PARVA: variants seen among roughly 807,000 people sequenced by gnomAD.
The protein encoded by PARVA is alpha-parvin.
A neutral mutation model predicts 52.6 loss-of-function variants in PARVA; 25 were observed. That is an observed-to-expected ratio of 0.48 (90% CI 0.35 to 0.66). The LOEUF is 0.66. PARVA is among the 30% of genes least tolerant of loss of function. The pLI, the probability that PARVA is intolerant of heterozygous loss-of-function variation, is 0.01. For missense variants in PARVA, 373 were observed against 450.9 expected, an observed-to-expected ratio of 0.83 and a Z score of 1.56; for synonymous variants, 185 against 179.1, an observed-to-expected ratio of 1.03 and a Z score of -0.26.
chr11:12,383,821 T>C (rs1368771735), intron 1 of PARVA, among the ~76,000 whole-genome samples: 2 of 152,224 alleles, frequency 1.3e-5, no homozygotes, highest in Non-Finnish European at 2.9e-5. Context: ...AAAAAGTTTC[T>C]AATACATTTA....
At chr11:12,380,986 C>T (rs771236239) in intron 1 of PARVA, among the ~76,000 whole-genome samples, 2 of 152,118 alleles carry the variant, frequency 1.3e-5, no homozygotes, top group African/African-American at 2.4e-5. Context: ...ACTGTAAAGT[C>T]CTGATTCCTT....
intron 10 of PARVA, among the ~76,000 whole-genome samples, chr11:12,514,554 C>A (rs999380673): frequency 6.6e-6 from 1 of 152,226 alleles, no homozygotes; most frequent in African/African-American, 2.4e-5. Flanking sequence ...GTGGCAAGAT[C>A]TCGGCTCACT....
intron 1 of PARVA, among the ~76,000 whole-genome samples, chr11:12,381,257 C>T (rs555633680): frequency 7.2e-5 from 11 of 152,294 alleles, no homozygotes; most frequent in East Asian, 3.9e-4. Flanking sequence ...ATAATAAGGC[C>T]GGATCTTGCT....
chr11:12,436,398 A>T (rs980784528), intron 1 of PARVA, among the ~76,000 whole-genome samples: 15 of 152,170 alleles, frequency 9.9e-5, no homozygotes, highest in Non-Finnish European at 1.5e-5. Flanking sequence ...ATTAGAGCCC[A>T]TTCAGTAACA....
intron 12 of PARVA, among the ~76,000 whole-genome samples, chr11:12,523,741 C>T (rs1342826440): frequency 1.3e-5 from 2 of 152,178 alleles, no homozygotes; most frequent in East Asian, 3.9e-4. Flanking sequence ...TGACCAGAAG[C>T]CCCATAGTCC....
intron 1 of PARVA, among the ~76,000 whole-genome samples, chr11:12,435,804 GT>G (rs1467496197): frequency 1.3e-5 from 2 of 151,968 alleles, no homozygotes; most frequent in Admixed American, 6.6e-5. Context: ...TGTTGTTGTT[GT>G]TTTGTTCTGT....
intron 1 of PARVA, among the ~76,000 whole-genome samples, chr11:12,424,938 T>G (rs1940206767): frequency 6.6e-6 from 1 of 152,222 alleles, no homozygotes; most frequent in Non-Finnish European, 1.5e-5. Flanking sequence ...AACATTTCCC[T>G]TTTCTGTGTG....
chr11:12,509,554 CCT>C (rs1210961868), intron 7 of PARVA, among the ~76,000 whole-genome samples: 1 of 152,184 alleles, frequency 6.6e-6, no homozygotes, highest in Non-Finnish European at 1.5e-5. Context: ...AGGTTCCTGC[CCT>C]CTGCCCAGCC....
chr11:12,501,258 T>C (rs1941359914), intron 5 of PARVA, among the ~76,000 whole-genome samples: 1 of 152,166 alleles, frequency 6.6e-6, no homozygotes, highest in Non-Finnish European at 1.5e-5. Flanking sequence ...CATATATCCA[T>C]AAATGTATAT....
intron 12 of PARVA, among the ~76,000 whole-genome samples, chr11:12,522,008 G>A (rs946092280): frequency 1.3e-5 from 2 of 152,184 alleles, no homozygotes; most frequent in African/African-American, 4.8e-5. Context: ...CTAGAATTCA[G>A]AGATAATACA....
At chr11:12,497,807 G>A (rs112394534) in intron 5 of PARVA, among the ~76,000 whole-genome samples, 3,151 of 152,224 alleles carry the variant, frequency 0.021, 47 homozygotes, top group Middle Eastern at 0.051. Flanking sequence ...GGAGGTTGAT[G>A]ACTAGTTTGG....
intron 1 of PARVA, among the ~76,000 whole-genome samples, chr11:12,406,668 T>G (rs916164506): frequency 2.1e-5 from 2 of 96,534 alleles, no homozygotes; most frequent in Non-Finnish European, 4.2e-5. Context: ...TCTGTTTTTT[T>G]TTTTTTTTTT....
intron 1 of PARVA, among the ~76,000 whole-genome samples, chr11:12,458,572 T>TACTA (rs1358133108): frequency 8.3e-6 from 1 of 121,178 alleles, no homozygotes; most frequent in South Asian, 2.9e-4. Flanking sequence ...CCTAAAAATA[T>TACTA]ACTAACTCCC....
chr11:12,441,147 C>A (rs1940460651), intron 1 of PARVA, among the ~76,000 whole-genome samples: 1 of 152,154 alleles, frequency 6.6e-6, no homozygotes, highest in South Asian at 2.1e-4. Context: ...GGCCCATAAT[C>A]CACAGAGGCC....
intron 1 of PARVA, among the ~76,000 whole-genome samples, chr11:12,395,478 C>G (rs1831114503): frequency 6.6e-6 from 1 of 152,160 alleles, no homozygotes; most frequent in South Asian, 2.1e-4. Context: ...GCCGGAGCCT[C>G]TAAAAGTTAG....
At chr11:12,461,148 G>T (rs1021958282) in intron 1 of PARVA, among the ~76,000 whole-genome samples, 2 of 152,148 alleles carry the variant, frequency 1.3e-5, no homozygotes, top group Non-Finnish European at 2.9e-5. Context: ...GCTCTGGAAG[G>T]CAGGTCCTTG....
At chr11:12,391,890 A>G (rs1939665022) in intron 1 of PARVA, among the ~76,000 whole-genome samples, 1 of 152,164 alleles carries the variant, frequency 6.6e-6, no homozygotes, top group Non-Finnish European at 1.5e-5. Context: ...CAATTCACCC[A>G]TTTAAATGGC....
intron 1 of PARVA, among the ~76,000 whole-genome samples, chr11:12,471,490 TG>T (rs1940933374): frequency 6.6e-6 from 1 of 152,128 alleles, no homozygotes; most frequent in Non-Finnish European, 1.5e-5. Flanking sequence ...ATAAAGAAAA[TG>T]TGGTACATAT....
At chr11:12,408,885 T>G (rs1024091108) in intron 1 of PARVA, among the ~76,000 whole-genome samples, 6 of 152,320 alleles carry the variant, frequency 3.9e-5, no homozygotes, top group Non-Finnish European at 7.4e-5. Flanking sequence ...CAGTGGGGAT[T>G]GGAATAGTGA....
Sources: allele counts gnomAD v4.1 joint callset (sites outside exome capture counted in the v4.1 genomes callset), GRCh38; gene constraint gnomAD v4.1.1; transcripts MANE v1.5; gene names NCBI Gene and HGNC (gene_info 2026-07-23, HGNC 2026-07-21).